The following LINGO2 variants were observed in gnomAD, a reference collection of about 807,000 sequenced individuals.
The protein encoded by LINGO2 is leucine rich repeat and Ig domain containing 2.
LINGO2 carries 14 observed loss-of-function variants against 30.6 expected under a neutral mutation model. That is an observed-to-expected ratio of 0.46 (90% confidence interval 0.30 to 0.72). The LOEUF (loss-of-function observed/expected upper bound fraction) is 0.72. Among genes scored for constraint, LINGO2 ranks in the 30% least tolerant of loss-of-function variants. LINGO2 has a pLI of 0.07. For missense variants in LINGO2, 729 were observed against 751.7 expected, an observed-to-expected ratio of 0.97 and a Z score of 0.35; for synonymous variants, 317 against 288.5, an observed-to-expected ratio of 1.10 and a Z score of -1.00.
the LINGO2 span, among the ~76,000 whole-genome samples, chr9:29,165,528 G>C: frequency 6.6e-6 from 1 of 151,934 alleles, no homozygotes; most frequent in Admixed American, 6.6e-5. Context: ...ATTTTATATT[G>C]TCTCCTGAGC....
chr9:28,603,084 T>A (rs1348017639), intron 1 of LINGO2, among the ~76,000 whole-genome samples: 1 of 152,048 alleles, frequency 6.6e-6, no homozygotes, highest in Non-Finnish European at 1.5e-5. Context: ...GCTTACACTA[T>A]TGAGCCAAAG....
the LINGO2 span, among the ~76,000 whole-genome samples, chr9:28,936,009 A>G: frequency 6.6e-6 from 1 of 152,140 alleles, no homozygotes; most frequent in Non-Finnish European, 1.5e-5. Flanking sequence ...CAGAGATAGC[A>G]AAGTGGGCAA....
At chr9:28,185,741 G>T in intron 4 of LINGO2, among the ~76,000 whole-genome samples, 1 of 151,950 alleles carries the variant, frequency 6.6e-6, no homozygotes, top group East Asian at 1.9e-4. Flanking sequence ...ATACTCCTAG[G>T]GATTTACAGT....
At chr9:28,687,837 T>C in the LINGO2 span, among the ~76,000 whole-genome samples, 60 of 152,260 alleles carry the variant, frequency 3.9e-4, no homozygotes, top group East Asian at 0.01. Context: ...TCTTTCTTAT[T>C]TCCTGAAACA....
At chr9:28,264,388 CTT>C (rs1399732070) in intron 4 of LINGO2, among the ~76,000 whole-genome samples, 1 of 151,884 alleles carries the variant, frequency 6.6e-6, no homozygotes, top group Non-Finnish European at 1.5e-5. Flanking sequence ...AATATTATCT[CTT>C]AATAAAAGAA....
chr9:28,719,270 G>A, the LINGO2 span, among the ~76,000 whole-genome samples: 7 of 151,952 alleles, frequency 4.6e-5, no homozygotes, highest in East Asian at 1.9e-4. Context: ...CTTCCACAAC[G>A]AACATGTTGA....
intron 1 of LINGO2, among the ~76,000 whole-genome samples, chr9:28,480,641 A>G (rs1188417487): frequency 6.6e-6 from 1 of 152,130 alleles, no homozygotes; most frequent in Non-Finnish European, 1.5e-5. Flanking sequence ...GTCTTACTGG[A>G]ATAACTTACC....
At chr9:28,720,760 T>C in the LINGO2 span, among the ~76,000 whole-genome samples, 13 of 152,092 alleles carry the variant, frequency 8.5e-5, no homozygotes, top group Non-Finnish European at 1.5e-4. Flanking sequence ...AAGAGGAATA[T>C]GTGTGGTCCC....
intron 4 of LINGO2, among the ~76,000 whole-genome samples, chr9:28,241,009 G>A (rs928217052): frequency 4.6e-5 from 7 of 151,984 alleles, no homozygotes; most frequent in African/African-American, 1.4e-4. Flanking sequence ...AGTGGCTCAC[G>A]CCTGTAATTC....
chr9:28,038,622 G>A (rs1460554303), intron 4 of LINGO2, among the ~76,000 whole-genome samples: 3 of 151,386 alleles, frequency 2.0e-5, no homozygotes, highest in African/African-American at 7.3e-5. Context: ...GAACCCGGGA[G>A]GCGGAGCTTG....
At chr9:28,015,545 G>A (rs993592156) in intron 4 of LINGO2, among the ~76,000 whole-genome samples, 2 of 152,132 alleles carry the variant, frequency 1.3e-5, no homozygotes, top group South Asian at 2.1e-4. Flanking sequence ...ACATTGTCTG[G>A]AAAAATGTCA....
intron 4 of LINGO2, among the ~76,000 whole-genome samples, chr9:28,198,052 T>C (rs1281150871): frequency 1.3e-5 from 2 of 151,702 alleles, no homozygotes; most frequent in Non-Finnish European, 2.9e-5. Context: ...TTGGTGGCAA[T>C]TGAGCACAGC....
At chr9:28,282,981 C>A (rs971826246) in intron 4 of LINGO2, among the ~76,000 whole-genome samples, 6 of 152,140 alleles carry the variant, frequency 3.9e-5, no homozygotes, top group Admixed American at 2.0e-4. Flanking sequence ...CTTTCTGTTT[C>A]AGTCCATACT....
the LINGO2 span, among the ~76,000 whole-genome samples, chr9:28,839,240 T>A: frequency 2.0e-5 from 3 of 152,192 alleles, no homozygotes; most frequent in Non-Finnish European, 2.9e-5. Flanking sequence ...AGTCCTGCTA[T>A]TCAGAAGGTC....
At chr9:29,191,385 CTT>C in the LINGO2 span, among the ~76,000 whole-genome samples, 1 of 151,966 alleles carries the variant, frequency 6.6e-6, no homozygotes, top group Non-Finnish European at 1.5e-5. Context: ...TAAATAGAAA[CTT>C]GAGCTATATT....
intron 1 of LINGO2, among the ~76,000 whole-genome samples, chr9:28,637,636 G>A (rs1827347253): frequency 6.6e-6 from 1 of 152,128 alleles, no homozygotes; most frequent in African/African-American, 2.4e-5. Flanking sequence ...TGTTATTGGT[G>A]TATAAGAATG....
chr9:28,544,132 G>A (rs952104723), intron 1 of LINGO2, among the ~76,000 whole-genome samples: 1 of 151,886 alleles, frequency 6.6e-6, no homozygotes, highest in Non-Finnish European at 1.5e-5. Context: ...GAACCCGGAA[G>A]GCAGAGGTTG....
intron 2 of LINGO2, among the ~76,000 whole-genome samples, chr9:28,407,625 A>G (rs150681212): frequency 2.0e-5 from 3 of 152,288 alleles, no homozygotes; most frequent in African/African-American, 7.2e-5. Flanking sequence ...GCTAATTTGC[A>G]GCACATAGCA....
At chr9:28,066,532 A>G (rs1389281966) in intron 4 of LINGO2, among the ~76,000 whole-genome samples, 1 of 152,066 alleles carries the variant, frequency 6.6e-6, no homozygotes, top group Non-Finnish European at 1.5e-5. Context: ...AGCTAGGAGA[A>G]TAGGAATTCT....
Sources: gnomAD v4.1 joint callset for allele counts (sites outside exome capture counted in the v4.1 genomes callset) on GRCh38, gnomAD v4.1.1 for gene constraint, MANE v1.5 for transcripts, NCBI Gene and HGNC (gene_info 2026-07-23, HGNC 2026-07-21) for gene names.